Variants in AASDH observed in about 807,000 individuals in gnomAD.
AASDH encodes the protein beta-alanine-activating enzyme.
A neutral mutation model predicts 102.3 loss-of-function variants in AASDH; 81 were observed. The ratio of observed to expected loss-of-function variants is 0.79; its 90% CI spans 0.66 to 0.95. The LOEUF is 0.95. AASDH is among the 40% of genes least tolerant of loss of function. The pLI is 0.00. For missense variants in AASDH, 1,203 were observed against 1,266.2 expected (o/e 0.95, Z 0.76); for synonymous variants, 398 against 454.0 (o/e 0.88, Z 1.57).
chr4:56,378,863 G>A (rs1752653359), intron 3 of AASDH, among the ~76,000 whole-genome samples: 1 of 149,594 alleles, frequency 6.7e-6, no homozygotes. Context: ...CTGGAGTGCA[G>A]TGGTATAATC....
chr4:56,378,709 C>T lies in AASDH; in HGVS notation c.352-245G>A, dbSNP rs1217071195. 1.4e-4 allele frequency among the ~76,000 whole-genome samples: 21 copies of T among 151,388 alleles called. 1 individual carries two copies. Among genetic ancestry groups the T allele is most frequent in the Admixed American group, 1.4e-3 (21 of 15,194 alleles). ...ATCTCTAGATTACTTATAACTAATACAAAACTATGCTAATTAATGCTATGT... is the reference window on the plus strand; with the variant it reads ...ATCTCTAGATTACTTATAACTAATATAAAACTATGCTAATTAATGCTATGT... On this transcript the variant is annotated intron_variant, in intron 3 of 14. Transcript: ENST00000205214.
rs148209825 is a variant in AASDH, at chr4:56,361,183, G to A, written c.862-5760C>T. On this transcript the variant is annotated intron_variant, in intron 5 of 14. Coordinates refer to ENST00000205214, the MANE Select transcript of AASDH (RefSeq NM_181806.4). ...TCCCAACACTTTGGAAAGCCAAGGCGGGCAGATCACTTAAGGTCAGGAGTT... is the reference window on the plus strand; with the variant it reads ...TCCCAACACTTTGGAAAGCCAAGGCAGGCAGATCACTTAAGGTCAGGAGTT... 2.6e-3 allele frequency among the ~76,000 whole-genome samples: 396 copies of A among 152,274 alleles called. 3 individuals carry two copies. Among genetic ancestry groups the A allele is most frequent in the African/African-American group, 9.1e-3 (377 of 41,568 alleles).
intron 9 of AASDH, among the ~76,000 whole-genome samples, chr4:56,352,827 C>T (rs1252136971): frequency 6.6e-6 from 1 of 152,194 alleles, no homozygotes; most frequent in African/African-American, 2.4e-5. Flanking sequence ...CACCGACTTT[C>T]CTGAGTCTCC....
At chr4:56,365,977 A>G (rs1750948220) in intron 5 of AASDH, among the ~76,000 whole-genome samples, 1 of 152,204 alleles carries the variant, frequency 6.6e-6, no homozygotes, top group Non-Finnish European at 1.5e-5. Flanking sequence ...TGCTAGCAAG[A>G]CTAATAAAGA....
chr4:56,359,001 G>T (rs1444874796), intron 5 of AASDH, among the ~76,000 whole-genome samples: 2 of 152,066 alleles, frequency 1.3e-5, no homozygotes, highest in Non-Finnish European at 1.5e-5. Flanking sequence ...GGATATACAT[G>T]TATAACTGTT....
At chr4:56,343,339 AAAAC>A (rs752360176) in intron 13 of AASDH, among the ~76,000 whole-genome samples, 200 of 114,140 alleles carry the variant, frequency 1.8e-3, no homozygotes, top group African/African-American at 4.7e-3. Flanking sequence ...ACTCTGTCAA[AAAAC>A]AAACAAACAA....
At chr4:56,350,846 T>C (rs1160200714) in intron 10 of AASDH, among the ~76,000 whole-genome samples, 1 of 152,140 alleles carries the variant, frequency 6.6e-6, no homozygotes, top group African/African-American at 2.4e-5. Flanking sequence ...CAGAACCCTT[T>C]AAAAAAGAAA....
chr4:56,349,154 G>A, intron 11 of AASDH, 109 bp downstream of exon 11: 1 of 1,197,624 alleles, frequency 8.3e-7, no homozygotes, highest in Non-Finnish European at 1.2e-6. Flanking sequence ...TTTTTGGACA[G>A]CAACCAAACC....
intron 4 of AASDH, among the ~76,000 whole-genome samples, chr4:56,374,421 C>T (rs984067003): frequency 6.7e-6 from 1 of 150,050 alleles, no homozygotes; most frequent in Non-Finnish European, 1.5e-5. Flanking sequence ...ATGCAGAAAC[C>T]TTCTTGGAGC....
intron 4 of AASDH, among the ~76,000 whole-genome samples, chr4:56,377,498 C>T (rs746333904): frequency 6.6e-6 from 1 of 152,234 alleles, no homozygotes; most frequent in Non-Finnish European, 1.5e-5. Context: ...CAGCCCTGCT[C>T]TGACATTCTA....
intron 14 of AASDH, among the ~76,000 whole-genome samples, chr4:56,340,266 C>T (rs1747501168): frequency 1.3e-5 from 2 of 152,186 alleles, no homozygotes; most frequent in Non-Finnish European, 2.9e-5. Context: ...CTGGAGGCAT[C>T]ACAGTAACTG....
intron 4 of AASDH, among the ~76,000 whole-genome samples, chr4:56,372,197 C>T (rs968899824): frequency 2.0e-5 from 3 of 152,204 alleles, no homozygotes; most frequent in Non-Finnish European, 4.4e-5. Flanking sequence ...TGCAATTAAT[C>T]TCCCTTCTTC....
At chr4:56,373,681 C>T (rs180712319) in intron 4 of AASDH, among the ~76,000 whole-genome samples, 186 of 152,252 alleles carry the variant, frequency 1.2e-3, no homozygotes, top group Non-Finnish European at 2.0e-3. Context: ...AGGAAGTATT[C>T]TTCACATATA....
chr4:56,384,265 G>A lies in AASDH; in HGVS notation c.35C>T (p.Ser12Phe), dbSNP rs543324027. ...TACAGCTACTCTGTCCATATAACAG[G>A]AGGCAGCCTTATGCACCAATTCCTG... ...TLQELVHKAA[S>F]CYMDRVAVCF... Residue 12 changes from serine to phenylalanine, a missense_variant, in exon 2 of 15, where the codon TCC (serine) becomes TTC (phenylalanine). Physicochemically the swap from Ser to Phe is radical, Grantham distance 155. Coordinates refer to ENST00000205214, the MANE Select transcript of AASDH (RefSeq NM_181806.4). 4.3e-6 allele frequency: 7 copies of A among 1,614,058 alleles called. No individual in the cohort carries two copies. The highest frequency in any genetic ancestry group is 5.9e-6 in the Non-Finnish European group (7 of 1,179,990).
intron 10 of AASDH, 52 bp from the exon 11 acceptor site, chr4:56,350,110 G>A (rs1748832785): frequency 1.4e-6 from 2 of 1,380,990 alleles, no homozygotes; most frequent in Non-Finnish European, 1.9e-6. Flanking sequence ...AAAAGCAAAA[G>A]ACTTCAACAT....
rs149749236 is a variant in AASDH at position 56,355,295 on chromosome 4, G to C, written c.990C>G (p.Ser330Arg). The stretch of plus-strand genomic sequence containing the variant: ...GTGTTTTATTGCCTTCTCCTCTCCA[G>C]CTTCTGAGAACTGTCAATGATGGAA... ...EAFPSLTVLR[S>R]WRGEGNKTQI... Residue 330 changes from serine (S) to arginine (R), a missense_variant, in exon 6 of 15, where the codon AGC becomes AGG. By Grantham distance (110) the Ser-to-Arg change is moderately radical (BLOSUM62 -1). Coordinates refer to ENST00000205214, the MANE Select transcript of AASDH (RefSeq NM_181806.4). The C allele has an allele frequency of 3.7e-6, 6 of 1,614,116 alleles. No homozygotes were observed. The South Asian group carries it at 6.6e-5, about 18-fold the overall frequency.
chr4:56,340,857 G>A (rs1308051955), intron 14 of AASDH, among the ~76,000 whole-genome samples: 1 of 152,066 alleles, frequency 6.6e-6, no homozygotes, highest in African/African-American at 2.4e-5. Context: ...GTGGGCAAGG[G>A]AGATGAATAG....
intron 3 of AASDH, among the ~76,000 whole-genome samples, chr4:56,380,086 G>A (rs979960872): frequency 3.9e-5 from 6 of 152,142 alleles, no homozygotes; most frequent in Non-Finnish European, 5.9e-5. Context: ...GCAGTAATTC[G>A]GATATACTAT....
chr4:56,383,845 T>C (rs550448843), intron 2 of AASDH, among the ~76,000 whole-genome samples: 1 of 152,250 alleles, frequency 6.6e-6, no homozygotes, highest in East Asian at 1.9e-4. Context: ...ACTTATACGT[T>C]CTATTAGTGA....
Sources: gnomAD v4.1 joint callset for allele counts (sites outside exome capture counted in the v4.1 genomes callset) on GRCh38, gnomAD v4.1.1 for gene constraint, MANE v1.5 for transcripts, NCBI Gene and HGNC (gene_info 2026-07-23, HGNC 2026-07-21) for gene names.